PTGER3: variants seen among roughly 807,000 people sequenced by gnomAD.
The protein encoded by PTGER3 is prostaglandin E receptor 3.
A neutral mutation model predicts 34.7 loss-of-function variants in PTGER3; 22 were observed. That is an observed-to-expected ratio of 0.63 (90% confidence interval 0.45 to 0.91). The LOEUF (loss-of-function observed/expected upper bound fraction) is 0.91, where lower values mean the gene tolerates loss of function less well. Ranked by LOEUF, PTGER3 falls within the 40% of genes least tolerant of loss-of-function variation. The pLI is 0.00. For missense variants in PTGER3, 468 were observed against 519.4 expected, an observed-to-expected ratio of 0.90 and a Z score of 0.96; for synonymous variants, 241 against 230.1, an observed-to-expected ratio of 1.05 and a Z score of -0.43.
intron 4 of PTGER3, chr1:70,862,489 T>A: frequency 1.3e-6 from 1 of 780,468 alleles, no homozygotes; most frequent in Non-Finnish European, 2.0e-6. Context: ...GGATATGGTG[T>A]AATGGTGAAC....
At chr1:70,952,749 T>C in exon 4 of PTGER3, 2 of 1,290,086 alleles carry the variant, frequency 1.6e-6, no homozygotes, top group Non-Finnish European at 2.0e-6. Context: ...AATATGCCCA[T>C]GTTTGCCCAA....
intron 4 of PTGER3, among the ~76,000 whole-genome samples, chr1:70,871,616 C>G (rs1646165212): frequency 6.6e-6 from 1 of 152,028 alleles, no homozygotes; most frequent in Non-Finnish European, 1.5e-5. Flanking sequence ...AGAACTGAAA[C>G]CAATGATTAG....
intron 2 of PTGER3, among the ~76,000 whole-genome samples, chr1:70,995,321 G>A (rs1655835731): frequency 6.6e-6 from 1 of 152,146 alleles, no homozygotes; most frequent in African/African-American, 2.4e-5. Context: ...ATTGGGATTG[G>A]TTTACTGAGA....
In PTGER3 at chr1:70,932,104, C is replaced by A. The variant is rs1372477652; in HGVS notation, c.*23+21659G>T. ...CATCTCTCTCAAGTTCAAAGTTCCACAAATCTCTAGGGCAGGGGAAAAATC... is the reference window on the plus strand; with the variant it reads ...CATCTCTCTCAAGTTCAAAGTTCCAAAAATCTCTAGGGCAGGGGAAAAATC... On this transcript the variant is annotated intron_variant, in intron 4 of 4. Coordinates refer to the PTGER3 transcript ENST00000370931. 3.3e-5 allele frequency among the ~76,000 whole-genome samples: 5 copies of A among 152,182 alleles called. 1 individual carries two copies. Among genetic ancestry groups the A allele is most frequent in the Non-Finnish European group, 5.9e-5 (4 of 68,040 alleles).
rs5671 is a variant in PTGER3, at chr1:71,046,960, C to G, written c.618G>C (p.Thr206=). The change falls in exon 1 of 4, where the codon ACG becomes ACC. Residue 206 remains threonine (T), a synonymous_variant. Coordinates refer to ENST00000306666, the MANE Select transcript of PTGER3 (RefSeq NM_198719.2). The part of the protein sequence containing the change: ...VGQYTVQWPG[T]WCFISTGRGG... ...CTCGCCCGGTGCTGATGAAGCACCA[C>G]GTCCCGGGCCACTGGACGGTGTACT... 19 of 1,610,804 alleles carry G rather than the reference C, an allele frequency of 1.2e-5. No individual in the cohort carries two copies. The highest frequency in any genetic ancestry group is 1.1e-4 in the East Asian group (5 of 44,838).
chr1:70,933,336 G>A (rs1300481595), intron 4 of PTGER3, among the ~76,000 whole-genome samples: 1 of 152,002 alleles, frequency 6.6e-6, no homozygotes, highest in Non-Finnish European at 1.5e-5. Context: ...CTATCACTGA[G>A]TTTCCTAGAT....
At chr1:70,865,115 T>A (rs1646012278) in intron 4 of PTGER3, among the ~76,000 whole-genome samples, 1 of 151,960 alleles carries the variant, frequency 6.6e-6, no homozygotes, top group African/African-American at 2.4e-5. Flanking sequence ...TTTTGGGAGA[T>A]CTACAATCCG....
rs1393769025 is a variant in PTGER3, at chr1:70,971,344, T to C, written c.*386A>G. The C allele has an allele frequency of 1.0e-6, 1 of 998,890 alleles. No individual in the cohort carries two copies. Among genetic ancestry groups the C allele is most frequent in the Non-Finnish European group, 1.2e-6 (1 of 839,264 alleles). The allele number at this position is 998,890 out of a possible 1,614,324, so 61.9% of individuals were successfully genotyped here. On this transcript the variant is annotated 3_prime_UTR_variant, in exon 4 of 4. Transcript: ENST00000306666. ...AGCTTATACTGATTTTTCAAACTCA[T>C]ATTGCAAAAGCAAGCTATCATGAAA...
At chr1:70,925,358 G>A (rs1350786826) in intron 4 of PTGER3, among the ~76,000 whole-genome samples, 1 of 152,184 alleles carries the variant, frequency 6.6e-6, no homozygotes, top group Non-Finnish European at 1.5e-5. Flanking sequence ...CTATGTATAT[G>A]TGTCACTACT....
chr1:71,010,014 T>G, intron 2 of PTGER3: 1 of 985,184 alleles, frequency 1.0e-6, no homozygotes, highest in Non-Finnish European at 1.2e-6. Context: ...CATAATTTCT[T>G]TGTTTTCCAC....
chr1:70,910,516 C>G (rs1005981335), intron 4 of PTGER3, among the ~76,000 whole-genome samples: 1 of 152,176 alleles, frequency 6.6e-6, no homozygotes, highest in African/African-American at 2.4e-5. Flanking sequence ...TCAAGTGATT[C>G]TCTCACCTCA....
chr1:70,990,620 A>G (rs1000679143), intron 2 of PTGER3, among the ~76,000 whole-genome samples: 7 of 151,896 alleles, frequency 4.6e-5, no homozygotes, highest in Non-Finnish European at 1.0e-4. Context: ...ACCTGGTACT[A>G]CAAGTACACA....
intron 2 of PTGER3, chr1:71,009,743 A>T: frequency 2.0e-6 from 2 of 985,092 alleles, no homozygotes; most frequent in Non-Finnish European, 2.4e-6. Context: ...TAATCTATAC[A>T]TGCATTTTTC....
chr1:71,018,481 C>T (rs1390573421), intron 1 of PTGER3, among the ~76,000 whole-genome samples: 1 of 152,044 alleles, frequency 6.6e-6, no homozygotes, highest in African/African-American at 2.4e-5. Context: ...ATCCCTTTCC[C>T]CTCTTTTTAT....
At chr1:70,933,279 CCTCT>C (rs1385426942) in intron 4 of PTGER3, among the ~76,000 whole-genome samples, 1 of 152,106 alleles carries the variant, frequency 6.6e-6, no homozygotes, top group Non-Finnish European at 1.5e-5. Flanking sequence ...TAAACTCTGT[CCTCT>C]CTGAGTTCTC....
chr1:70,889,518 A>G (rs6424409), intron 4 of PTGER3, among the ~76,000 whole-genome samples: 97,971 of 151,630 alleles, frequency 0.65, 32,544 homozygotes, highest in East Asian at 0.87. Flanking sequence ...TGTTGGACAA[A>G]TTTAGTATAA....
chr1:70,882,808 A>C (rs539216109), intron 4 of PTGER3, among the ~76,000 whole-genome samples: 79 of 152,272 alleles, frequency 5.2e-4, no homozygotes, highest in Non-Finnish European at 1.0e-3. Flanking sequence ...CACTAAGCCA[A>C]GATAGGCTGG....
intron 4 of PTGER3, among the ~76,000 whole-genome samples, chr1:70,895,544 A>G (rs934296578): frequency 2.6e-5 from 4 of 152,256 alleles, no homozygotes; most frequent in African/African-American, 9.6e-5. Context: ...GAACAGACAC[A>G]GAGCTGAAAT....
At chr1:70,976,718 T>C (rs908322731) in intron 2 of PTGER3, among the ~76,000 whole-genome samples, 3 of 152,270 alleles carry the variant, frequency 2.0e-5, no homozygotes, top group East Asian at 1.9e-4. Flanking sequence ...CCAAGCTCCT[T>C]TGCCTTTAAT....
Sources: allele counts gnomAD v4.1 joint callset (sites outside exome capture counted in the v4.1 genomes callset), GRCh38; gene constraint gnomAD v4.1.1; transcripts MANE v1.5; gene names NCBI Gene and HGNC (gene_info 2026-07-23, HGNC 2026-07-21).